The following USP34 variants were observed in gnomAD, a reference collection of about 807,000 sequenced individuals.
USP34 encodes the protein ubiquitin carboxyl-terminal hydrolase 34.
USP34 carries 70 observed loss-of-function variants against 460.3 expected under a neutral mutation model. That is an observed-to-expected ratio of 0.15 (90% confidence interval 0.13 to 0.19). The LOEUF (loss-of-function observed/expected upper bound fraction) is 0.19, where lower values mean the gene tolerates loss of function less well. USP34 is among the 10% of genes least tolerant of loss of function. The pLI is 1.00. For missense variants in USP34, 3,985 were observed against 4,236.2 expected (o/e 0.94, Z 1.65); for synonymous variants, 1,647 against 1,405.3 (o/e 1.17, Z -3.85).
chr2:61,460,813 T>C (rs924961084), intron 1 of USP34, among the ~76,000 whole-genome samples: 1 of 151,746 alleles, frequency 6.6e-6, no homozygotes, highest in African/African-American at 2.4e-5. Context: ...AGAAACTCTG[T>C]CTCTACTAAA....
At chr2:61,367,368 C>G (rs1692473735) in intron 10 of USP34, among the ~76,000 whole-genome samples, 3 of 152,168 alleles carry the variant, frequency 2.0e-5, no homozygotes, top group Admixed American at 2.0e-4. Context: ...TGGCTCGTGT[C>G]TGTAGTTTCA....
intron 49 of USP34, among the ~76,000 whole-genome samples, chr2:61,247,962 G>A (rs1688463697): frequency 6.6e-6 from 1 of 152,038 alleles, no homozygotes; most frequent in Admixed American, 6.5e-5. Flanking sequence ...CAATGCAGGT[G>A]GATTGCCTGA....
intron 74 of USP34, 75 bp from the exon 75 acceptor site, chr2:61,203,338 GTT>G (rs1301435419): frequency 1.5e-6 from 2 of 1,311,064 alleles, no homozygotes; most frequent in Non-Finnish European, 2.0e-6. Context: ...AATGTAATAA[GTT>G]TAACTAAAAA....
chr2:61,282,302 G>A (rs545877017), intron 37 of USP34, among the ~76,000 whole-genome samples: 10 of 152,210 alleles, frequency 6.6e-5, no homozygotes, highest in East Asian at 1.9e-4. Context: ...ATTAGACAAC[G>A]CAGGTTTAAA....
At position 61,295,176 on chromosome 2, in the gene USP34, C is replaced by CCCT; in HGVS notation, c.4366_4368dup (p.Arg1456dup). 1 of 1,609,718 alleles carries CCCT rather than the reference C, an allele frequency of 6.2e-7. No individual in the cohort carries two copies. The highest frequency in any genetic ancestry group is 8.5e-7 in the Non-Finnish European group (1 of 1,178,746). Reference sequence around the variant, plus strand: ...AATGGAAATGCAATTACCGTAGACTCCCTCCTTATTCTTCTATTAGGTTTT... The same window carrying CCCT: ...AATGGAAATGCAATTACCGTAGACTCCCTCCTCCTTATTCTTCTATTAGGTTTT... On this transcript the variant is annotated inframe_insertion, in exon 31 of 80. Transcript: ENST00000398571.
At chr2:61,386,344 C>A (rs939446223) in intron 5 of USP34, among the ~76,000 whole-genome samples, 2 of 152,122 alleles carry the variant, frequency 1.3e-5, no homozygotes, top group South Asian at 4.1e-4. Flanking sequence ...GTGTTAGGAA[C>A]ACTGGATATC....
intron 41 of USP34, among the ~76,000 whole-genome samples, chr2:61,277,349 A>C (rs1278102429): frequency 6.7e-6 from 1 of 149,496 alleles, no homozygotes; most frequent in Non-Finnish European, 1.5e-5. Context: ...CAATCCTCCC[A>C]CCTCAGCCTC....
chr2:61,220,547 G>A (rs1687531129), intron 66 of USP34, 90 bp from the exon 67 acceptor site: 2 of 1,204,390 alleles, frequency 1.7e-6, no homozygotes, highest in South Asian at 2.5e-5. Context: ...TAGACACAAA[G>A]CTAAAGTACT....
chr2:61,395,569 C>CG (rs1231319869), intron 3 of USP34, among the ~76,000 whole-genome samples: 1 of 147,418 alleles, frequency 6.8e-6, no homozygotes, highest in Non-Finnish European at 1.5e-5. Flanking sequence ...GAGGCCGAGG[C>CG]GGGCGGATCA....
chr2:61,364,209 C>CA (rs1181616948), intron 10 of USP34, among the ~76,000 whole-genome samples: 1 of 152,082 alleles, frequency 6.6e-6, no homozygotes, highest in Admixed American at 6.6e-5. Context: ...ACCATCTCTA[C>CA]AAAAAATACA....
Position 61,253,896 on chromosome 2 carries a change from G to A in USP34, c.6221+2488C>T, listed in dbSNP as rs928640018. Among the ~76,000 whole-genome samples the A allele has an allele frequency of 5.3e-5, 8 of 152,022 alleles. No individual in the cohort carries two copies. The East Asian group carries it at 7.7e-4, about 15-fold the overall frequency. On this transcript the variant is annotated intron_variant, in intron 48 of 79. Coordinates refer to ENST00000398571, the MANE Select transcript of USP34 (RefSeq NM_014709.4). ...ACTACAGGCGTGAGCCACCACAACC[G>A]GCTAATTTTTGTATTTTTAGTAGAG...
intron 27 of USP34, among the ~76,000 whole-genome samples, chr2:61,305,694 T>A (rs1177881023): frequency 1.3e-5 from 2 of 152,026 alleles, no homozygotes; most frequent in African/African-American, 4.8e-5. Flanking sequence ...GAAGGTAAAC[T>A]AAACCCAGAT....
intron 1 of USP34, among the ~76,000 whole-genome samples, chr2:61,464,152 C>T (rs987837255): frequency 1.3e-5 from 2 of 152,140 alleles, no homozygotes; most frequent in Admixed American, 6.6e-5. Flanking sequence ...AAATTAGTCT[C>T]GACTAAAAAT....
chr2:61,221,826 T>A (rs186753562), intron 65 of USP34: 74 of 399,482 alleles, frequency 1.9e-4, no homozygotes, highest in Admixed American at 6.8e-4. Context: ...TTTTTCTGGA[T>A]GTCAAGAGTA....
chr2:61,269,227 C>G (rs1264483546), intron 41 of USP34, among the ~76,000 whole-genome samples: 1 of 152,034 alleles, frequency 6.6e-6, no homozygotes, highest in Non-Finnish European at 1.5e-5. Flanking sequence ...GTGGTGGGAT[C>G]ATGGCTCACT....
intron 64 of USP34, 54 bp from the exon 65 acceptor site, chr2:61,222,717 G>T: frequency 6.4e-7 from 1 of 1,553,234 alleles, no homozygotes; most frequent in Non-Finnish European, 8.8e-7. Flanking sequence ...TTGTTTTTGA[G>T]ACAGGGTTTC....
intron 20 of USP34, 62 bp downstream of exon 20, chr2:61,331,214 A>G: frequency 3.6e-6 from 5 of 1,398,646 alleles, no homozygotes; most frequent in Non-Finnish European, 3.9e-6. Context: ...AACACTGGAA[A>G]ATCATCTTTC....
At chr2:61,428,597 T>C (rs1432214706) in intron 1 of USP34, among the ~76,000 whole-genome samples, 2 of 152,170 alleles carry the variant, frequency 1.3e-5, no homozygotes, top group African/African-American at 4.8e-5. Context: ...CCTCTAGATC[T>C]AGCAATAAAA....
At chr2:61,301,700 G>C (rs1423895901) in intron 27 of USP34, among the ~76,000 whole-genome samples, 1 of 152,088 alleles carries the variant, frequency 6.6e-6, no homozygotes, top group South Asian at 2.1e-4. Context: ...CAGCCAACTG[G>C]CCTCCTTGCC....
Sources: allele counts gnomAD v4.1 joint callset (sites outside exome capture counted in the v4.1 genomes callset), GRCh38; gene constraint gnomAD v4.1.1; transcripts MANE v1.5; gene names NCBI Gene and HGNC (gene_info 2026-07-23, HGNC 2026-07-21).